CDCA5: variants seen among roughly 807,000 people sequenced by gnomAD.
CDCA5 encodes cell division cycle associated 5.
A neutral mutation model predicts 25.7 loss-of-function variants in CDCA5; 14 were observed. The ratio of observed to expected loss-of-function variants is 0.54; its 90% CI spans 0.36 to 0.85. The LOEUF (loss-of-function observed/expected upper bound fraction) is 0.85. CDCA5 is among the 40% of genes least tolerant of loss of function. CDCA5 has a pLI of 0.01. For missense variants in CDCA5, 307 were observed against 324.5 expected, an observed-to-expected ratio of 0.95 and a Z score of 0.41; for synonymous variants, 127 against 128.7, an observed-to-expected ratio of 0.99 and a Z score of 0.09.
At chr11:65,067,881 G>A (rs1409814507) in intron 3 of CDCA5, 8 of 832,226 alleles carry the variant, frequency 9.6e-6, no homozygotes, top group Admixed American at 7.7e-5. Flanking sequence ...CTCTCTGCAC[G>A]GGCCAGGACT....
rs1947482104 is a variant in CDCA5, at chr11:65,078,091, C to G, written c.*1016G>C. 1.0e-6 allele frequency: 1 copy of G among 985,440 alleles called. No individual in the cohort carries two copies. Among genetic ancestry groups the G allele is most frequent in the Non-Finnish European group, 1.2e-6 (1 of 829,968 alleles). 61.0% of individuals were successfully genotyped at this position (985,440 alleles called of 1,614,324 possible). On this transcript the variant is annotated 3_prime_UTR_variant, in exon 6 of 6. Coordinates refer to ENST00000275517, the MANE Select transcript of CDCA5 (RefSeq NM_080668.4). ...GGCCAAAAACTAAAATTGCTATCAG[C>G]CCCCGCCGCTGTCTGGTACGCGAGG... is the stretch of plus-strand genomic sequence containing the variant.
chr11:65,080,690 A>C (rs566582043), intron 4 of CDCA5, among the ~76,000 whole-genome samples: 1 of 152,258 alleles, frequency 6.6e-6, no homozygotes, highest in Admixed American at 6.5e-5. Context: ...GCTGTGGTCC[A>C]TCTGCCACAC....
intron 4 of CDCA5, 77 bp downstream of exon 4, chr11:65,083,287 G>A (rs1947612329): frequency 6.5e-7 from 1 of 1,549,436 alleles, no homozygotes; most frequent in Non-Finnish European, 8.9e-7. Flanking sequence ...CTGGGCAGAT[G>A]TGAGGAGCCA....
downstream of CDCA5, among the ~76,000 whole-genome samples, chr11:65,075,570 G>A (rs1947428953): frequency 1.3e-5 from 2 of 151,210 alleles, no homozygotes; most frequent in African/African-American, 4.8e-5. Flanking sequence ...ATGTTGAGGG[G>A]GATGGGGCTG....
At chr11:65,075,252 C>A (rs1175009155), downstream of CDCA5, among the ~76,000 whole-genome samples, 2 of 151,728 alleles carry the variant, frequency 1.3e-5, no homozygotes, top group Non-Finnish European at 2.9e-5. Flanking sequence ...GAAAAATTAG[C>A]CGGGTGTGGC....
chr11:65,083,647 G>C lies in CDCA5; in HGVS notation c.123C>G (p.Leu41=), dbSNP rs1218685974. 3.7e-6 allele frequency: 6 copies of C among 1,614,088 alleles called. No homozygotes were observed. Among genetic ancestry groups the C allele is most frequent in the Non-Finnish European group, 5.1e-6 (6 of 1,180,034 alleles). Residue 41 remains leucine, a synonymous_variant, in exon 2 of 6, where the codon CTC becomes CTG. Coordinates refer to ENST00000275517, the MANE Select transcript of CDCA5 (RefSeq NM_080668.4). ...RKSGSELPSI[L]PEIWPKTPSA... The stretch of plus-strand genomic sequence containing the variant: ...GGCTCACCTTCGGCCAGATTTCAGG[G>C]AGGATGCTCGGGAGTTCAGAGCCTG...
Position 65,083,465 on chromosome 11 carries a change from A to G in CDCA5, c.207+20T>C. 6.2e-7 allele frequency: 1 copy of G among 1,614,178 alleles called. No individual in the cohort carries two copies. The highest frequency in any genetic ancestry group is 8.5e-7 in the Non-Finnish European group (1 of 1,180,008). On this transcript the variant is annotated intron_variant, in intron 3 of 5. Coordinates refer to ENST00000275517, the MANE Select transcript of CDCA5 (RefSeq NM_080668.4). Reference sequence around the variant, plus strand: ...AGTTTTGCCCGCCTAACCACCCACAACACTCTCCTTAGCCTTTACCTCTAC... The same window carrying G: ...AGTTTTGCCCGCCTAACCACCCACAGCACTCTCCTTAGCCTTTACCTCTAC...
At position 65,069,943 on chromosome 11, in the gene CDCA5, G is replaced by A. The variant is rs181814650; in HGVS notation, c.64-1342C>T. 8.5e-5 allele frequency among the ~76,000 whole-genome samples: 13 copies of A among 152,370 alleles called. No homozygotes were observed. In the East Asian group the frequency reaches 2.5e-3, roughly 29 times the overall value. ...AGGTTTGCAGCTGACCACAGTGCGG[G>A]GGGATGAGCCACACAGAGGTTTGTA... On this transcript the variant is annotated intron_variant, in intron 1 of 6. Transcript: ENST00000525464.
At position 65,077,682 on chromosome 11, in the gene CDCA5, G is replaced by C. The variant is rs1178965227; in HGVS notation, c.*1425C>G. 2.0e-6 allele frequency: 2 copies of C among 985,368 alleles called. No individual in the cohort carries two copies. The highest frequency in any genetic ancestry group is 1.1e-4 in the East Asian group (1 of 8,826). The allele number at this position is 985,368 out of a possible 1,614,324, so 61.0% of individuals were successfully genotyped here. ...GTGCGGTTCAGCTCAAGGACACCTAGGCTTCCCCAGCAGGGGGCTTGCTTG... is the reference window on the plus strand; with the variant it reads ...GTGCGGTTCAGCTCAAGGACACCTACGCTTCCCCAGCAGGGGGCTTGCTTG... On this transcript the variant is annotated 3_prime_UTR_variant, in exon 6 of 6. Transcript: ENST00000275517.
At chr11:65,067,588 C>A in intron 4 of CDCA5, 1 of 1,038,508 alleles carries the variant, frequency 9.6e-7, no homozygotes. Flanking sequence ...GACCTGAAAG[C>A]CAGGCCTGGC....
At chr11:65,063,807 G>T (rs1414716364), downstream of CDCA5, among the ~76,000 whole-genome samples, 1 of 152,232 alleles carries the variant, frequency 6.6e-6, no homozygotes, top group African/African-American at 2.4e-5. Flanking sequence ...AGAAATGTGT[G>T]TGAATGAAAG....
At chr11:65,074,014 A>G (rs1947390890), downstream of CDCA5, among the ~76,000 whole-genome samples, 1 of 152,218 alleles carries the variant, frequency 6.6e-6, no homozygotes, top group Admixed American at 6.5e-5. Flanking sequence ...TCCTGCAGAC[A>G]GCACATGCCT....
chr11:65,083,397 G>C lies in CDCA5; in HGVS notation c.210C>G (p.Val70=). Reference sequence around the variant, plus strand: ...TCCTGCGAGGTGATTGGACAGCTGGGACCTGCGGGGGACAATACCAATTGA... The same window carrying C: ...TCCTGCGAGGTGATTGGACAGCTGGCACCTGCGGGGGACAATACCAATTGA... The part of the protein sequence containing the change: ...LKRIVAHAVE[V]PAVQSPRRSP... The change falls in exon 4 of 6, where the codon GTC becomes GTG. Residue 70 remains valine, a splice_region_variant and synonymous_variant. Transcript: ENST00000275517. The C allele has an allele frequency of 1.2e-6, 2 of 1,614,204 alleles. No individual in the cohort carries two copies. The highest frequency in any genetic ancestry group is 1.7e-6 in the Non-Finnish European group (2 of 1,180,044).
At chr11:65,066,310 AG>A, downstream of CDCA5, 4 of 1,156,650 alleles carry the variant, frequency 3.5e-6, no homozygotes, top group Non-Finnish European at 4.3e-6. Context: ...TTAGCTTCCA[AG>A]TTTATTTCTG....
chr11:65,064,417 C>T (rs1189060902), downstream of CDCA5, among the ~76,000 whole-genome samples: 3 of 86,340 alleles, frequency 3.5e-5, no homozygotes, highest in African/African-American at 1.4e-4. Context: ...GACTCTGTCG[C>T]AAAAAAAAAA....
chr11:65,066,899 C>A (rs1442148250), intron 4 of CDCA5: 2 of 1,288,414 alleles, frequency 1.6e-6, no homozygotes, highest in Non-Finnish European at 2.0e-6. Flanking sequence ...AAAAACAGAC[C>A]CCTCCCACCT....
chr11:65,076,697 C>A (rs565164070), downstream of CDCA5, among the ~76,000 whole-genome samples: 3 of 152,282 alleles, frequency 2.0e-5, no homozygotes, highest in South Asian at 6.2e-4. Flanking sequence ...AGGGTCCTAG[C>A]CTTACCTAAG....
chr11:65,067,025 C>T (rs542594031), intron 4 of CDCA5: 36 of 462,316 alleles, frequency 7.8e-5, no homozygotes, highest in Middle Eastern at 6.3e-4. Flanking sequence ...CTTCCTGTCC[C>T]GGCAAAACCA....
At chr11:65,079,318 C>G in intron 5 of CDCA5, 35 bp downstream of exon 5, 1 of 1,613,896 alleles carries the variant, frequency 6.2e-7, no homozygotes, top group Non-Finnish European at 8.5e-7. Context: ...TCTCCCAGAG[C>G]ACACGGCAGA....
Sources: allele counts gnomAD v4.1 joint callset (sites outside exome capture counted in the v4.1 genomes callset), GRCh38; gene constraint gnomAD v4.1.1; transcripts MANE v1.5; gene names NCBI Gene and HGNC (gene_info 2026-07-23, HGNC 2026-07-21).